The following PSIP1 variants were observed in gnomAD, a reference collection of about 807,000 sequenced individuals.
PSIP1 encodes PC4 and SRSF1 interacting protein 1.
In PSIP1, 19 loss-of-function variants were observed where a neutral mutation model predicts 74.7. The ratio of observed to expected loss-of-function variants is 0.25; its 90% confidence interval spans 0.18 to 0.37. PSIP1 has a LOEUF of 0.37. PSIP1 is among the 10% of genes least tolerant of loss of function. The pLI is 1.00. For missense variants in PSIP1, 601 were observed against 614.3 expected (o/e 0.98, Z 0.23); for synonymous variants, 222 against 195.3 (o/e 1.14, Z -1.14).
At chr9:15,498,699 G>C (rs939664438) in intron 3 of PSIP1, among the ~76,000 whole-genome samples, 2 of 151,830 alleles carry the variant, frequency 1.3e-5, no homozygotes, top group Non-Finnish European at 2.9e-5. Flanking sequence ...AGTAAATGCA[G>C]GATATAATTA....
At chr9:15,503,578 C>T (rs2037444311) in intron 3 of PSIP1, among the ~76,000 whole-genome samples, 1 of 151,466 alleles carries the variant, frequency 6.6e-6, no homozygotes. Context: ...GGGAGGATCA[C>T]TTAGGCCCAG....
chr9:15,483,846 A>G (rs1202600876), intron 6 of PSIP1, among the ~76,000 whole-genome samples: 2 of 152,176 alleles, frequency 1.3e-5, no homozygotes, highest in Non-Finnish European at 2.9e-5. Context: ...ACAAAAAATT[A>G]GCTGGGTATG....
intron 7 of PSIP1, 52 bp from the exon 8 acceptor site, chr9:15,478,604 A>G: frequency 8.4e-7 from 1 of 1,186,856 alleles, no homozygotes; most frequent in Non-Finnish European, 1.3e-6. Context: ...TATTTAAGAT[A>G]CAAATCTCAG....
At chr9:15,508,750 T>A (rs977053577) in intron 2 of PSIP1, among the ~76,000 whole-genome samples, 107 of 152,340 alleles carry the variant, frequency 7.0e-4, no homozygotes, top group African/African-American at 2.4e-3. Flanking sequence ...GCATCATATA[T>A]ACTACGGACT....
intron 3 of PSIP1, among the ~76,000 whole-genome samples, chr9:15,497,350 G>C (rs2037129679): frequency 1.0e-5 from 1 of 96,754 alleles, no homozygotes; most frequent in African/African-American, 9.6e-5. Context: ...TTGAGACAGA[G>C]TCTTGCTCTG....
At chr9:15,473,036 G>C (rs569208396) in intron 9 of PSIP1, among the ~76,000 whole-genome samples, 10 of 152,260 alleles carry the variant, frequency 6.6e-5, no homozygotes, top group African/African-American at 2.2e-4. Flanking sequence ...GATTTGACTT[G>C]AGTACTGACA....
intron 2 of PSIP1, 30 bp downstream of exon 2, chr9:15,510,087 T>C (rs767196545): frequency 3.8e-6 from 6 of 1,595,274 alleles, no homozygotes; most frequent in East Asian, 2.3e-5. Context: ...AGGGTAGCAC[T>C]GCTAAGCGCG....
intron 9 of PSIP1, among the ~76,000 whole-genome samples, chr9:15,473,766 T>A (rs2035943282): frequency 6.6e-6 from 1 of 151,898 alleles, no homozygotes; most frequent in South Asian, 2.1e-4. Context: ...CCGGTAGTGG[T>A]GGCACATGCC....
intron 2 of PSIP1, among the ~76,000 whole-genome samples, chr9:15,508,569 C>T (rs1188596939): frequency 1.3e-5 from 2 of 152,114 alleles, no homozygotes; most frequent in Non-Finnish European, 2.9e-5. Context: ...TGGCTTTTAA[C>T]TTCACTGTGG....
At chr9:15,506,767 T>C in intron 2 of PSIP1, 130 bp from the exon 3 acceptor site, 1 of 616,388 alleles carries the variant, frequency 1.6e-6, no homozygotes, top group South Asian at 3.3e-5. Flanking sequence ...GCCCATAATC[T>C]CCTATCCCCA....
At chr9:15,504,750 A>G (rs1192298372) in intron 3 of PSIP1, among the ~76,000 whole-genome samples, 1 of 151,766 alleles carries the variant, frequency 6.6e-6, no homozygotes, top group African/African-American at 2.4e-5. Context: ...AAAAAAAAAA[A>G]GAAAAAACCT....
At chr9:15,494,565 C>CAAAAAAAAAAAAAAAAAAAAAAAAAAA (rs57170853) in intron 3 of PSIP1, among the ~76,000 whole-genome samples, 1 of 37,532 alleles carries the variant, frequency 2.7e-5, no homozygotes, top group Non-Finnish European at 4.6e-5. Context: ...AACTGCATCT[C>CAAAAAAAAAAAAAAAAAAAAAAAAAAA]AAAAAAAAAA....
At position 15,470,202 on chromosome 9, in the gene PSIP1, G is replaced by A. The variant is rs192529851; in HGVS notation, c.978-209C>T. Among the ~76,000 whole-genome samples the A allele has an allele frequency of 3.9e-5, 6 of 152,222 alleles. No individual in the cohort carries two copies. The East Asian group carries it at 9.6e-4, about 24-fold the overall frequency. ...AACATGCTAGATTAAATCATATCTGGCTTTTCAGTGACATCACAAATAGTG... is the reference window on the plus strand; with the variant it reads ...AACATGCTAGATTAAATCATATCTGACTTTTCAGTGACATCACAAATAGTG... On this transcript the variant is annotated intron_variant, in intron 10 of 15. Coordinates refer to ENST00000380733, the MANE Select transcript of PSIP1 (RefSeq NM_033222.5).
intron 8 of PSIP1, among the ~76,000 whole-genome samples, chr9:15,477,787 T>C (rs1257301550): frequency 2.6e-5 from 4 of 152,090 alleles, no homozygotes; most frequent in Admixed American, 1.3e-4. Flanking sequence ...TAAATTTACA[T>C]ACAAAAATTA....
At position 15,465,364 on chromosome 9, in the gene PSIP1, T is replaced by C. The variant is rs2035545508; in HGVS notation, c.*156A>G. 1 of 627,894 alleles carries C rather than the reference T, an allele frequency of 1.6e-6. No homozygotes were observed. 38.9% of individuals were successfully genotyped at this position (627,894 alleles called of 1,614,324 possible). Reference sequence around the variant, plus strand: ...ACTGCACAAGTACACTTAGCGATAATGTTTACTTTACTTTAAAACAAAGGG... The same window carrying C: ...ACTGCACAAGTACACTTAGCGATAACGTTTACTTTACTTTAAAACAAAGGG... On this transcript the variant is annotated 3_prime_UTR_variant, in exon 16 of 16. Transcript: ENST00000380733.
At chr9:15,483,813 G>A (rs1468460185) in intron 6 of PSIP1, among the ~76,000 whole-genome samples, 1 of 152,182 alleles carries the variant, frequency 6.6e-6, no homozygotes, top group East Asian at 1.9e-4. Context: ...CCAACATAGT[G>A]AAACCCTGTC....
At position 15,510,283 on chromosome 9, in the gene PSIP1, G is replaced by T. The variant is rs1038681336; in HGVS notation, c.-95C>A. 2.0e-4 allele frequency: 203 copies of T among 1,025,176 alleles called. No individual in the cohort carries two copies. The African/African-American group carries it at 2.5e-3, about 13-fold the overall frequency. 63.5% of individuals were successfully genotyped at this position (1,025,176 alleles called of 1,614,324 possible). A position where few individuals can be genotyped will look rare whatever the true frequency, so the allele number is the denominator to read the frequency against. On this transcript the variant is annotated 5_prime_UTR_variant, in exon 2 of 16. Transcript: ENST00000380733. ...GGCGGCGGACGCGGGCCCAGCTACC[G>T]GGCCCGCGGGCGGGGGAGGATGCCT...
chr9:15,470,501 G>A (rs1248034520), intron 10 of PSIP1: 1 of 768,784 alleles, frequency 1.3e-6, no homozygotes, highest in Non-Finnish European at 1.6e-6. Context: ...TTTCACAAAA[G>A]GTACCATTTT....
rs747979639 is a variant in PSIP1, at chr9:15,465,488, T to C, written c.*32A>G. 5 of 1,485,134 alleles carry C rather than the reference T, an allele frequency of 3.4e-6. No homozygotes were observed. Among genetic ancestry groups the C allele is most frequent in the Non-Finnish European group, 4.6e-6 (5 of 1,084,156 alleles). 92.0% of individuals were successfully genotyped at this position (1,485,134 alleles called of 1,614,324 possible). ...TCAAATGAAAACCATTACAAACTTC[T>C]CAAGTGTTCTCTATATTCCAGGTAT... On this transcript the variant is annotated 3_prime_UTR_variant, in exon 16 of 16. Transcript: ENST00000380733.
Sources: allele counts gnomAD v4.1 joint callset (sites outside exome capture counted in the v4.1 genomes callset), GRCh38; gene constraint gnomAD v4.1.1; transcripts MANE v1.5; gene names NCBI Gene and HGNC (gene_info 2026-07-23, HGNC 2026-07-21).